The following DOCK1 variants were observed in gnomAD, a reference collection of about 807,000 sequenced individuals.
The protein encoded by DOCK1 is dedicator of cytokinesis protein 1.
DOCK1 carries 138 observed loss-of-function variants against 262.7 expected under a neutral mutation model. That is an observed-to-expected ratio of 0.53 (90% CI 0.46 to 0.61). DOCK1 has a LOEUF of 0.61. Among genes scored for constraint, DOCK1 ranks in the 20% least tolerant of loss-of-function variants. DOCK1 has a pLI of 0.00. For missense variants in DOCK1, 1,908 were observed against 2,370.7 expected (o/e 0.80, Z 4.05); for synonymous variants, 866 against 867.4 (o/e 1.00, Z 0.03).
intron 25 of DOCK1, among the ~76,000 whole-genome samples, chr10:127,123,096 G>C (rs534720625): frequency 9.5e-4 from 144 of 152,318 alleles, no homozygotes; most frequent in African/African-American, 3.3e-3. Flanking sequence ...CCTCCTTCCA[G>C]CCTGTACTGG....
Position 126,905,486 on chromosome 10 carries a change from C to A in DOCK1, c.-32C>A. ...AAATGGCGGCCTAGACGCGGAGTTT[C>A]CTGCCCGACCCGCGGCGGCTCCGGC... is the stretch of plus-strand genomic sequence containing the variant. On this transcript the variant is annotated 5_prime_UTR_variant, in exon 1 of 52. Coordinates refer to ENST00000623213, the MANE Select transcript of DOCK1 (RefSeq NM_001290223.2). The A allele has an allele frequency of 1.9e-6, 1 of 529,064 alleles. No homozygotes were observed. Among genetic ancestry groups the A allele is most frequent in the South Asian group, 2.2e-5 (1 of 45,490 alleles). 32.8% of individuals were successfully genotyped at this position (529,064 alleles called of 1,614,324 possible).
rs375436080 is a variant in DOCK1 at position 127,184,180 on chromosome 10, AC to A, written c.2847+56420del. 2.4e-3 allele frequency among the ~76,000 whole-genome samples: 358 copies of A among 152,078 alleles called. 1 individual carries two copies. Among genetic ancestry groups the A allele is most frequent in the African/African-American group, 8.1e-3 (338 of 41,480 alleles). On this transcript the variant is annotated intron_variant, in intron 27 of 51. Transcript: ENST00000623213. ...CCCAGCTGAGCTTGGAGCAAAAGACACCCCATGTTAAAGGCAGGACTGGACT... is the reference window on the plus strand; with the variant it reads ...CCCAGCTGAGCTTGGAGCAAAAGACACCCATGTTAAAGGCAGGACTGGACT...
chr10:127,007,349 A>G (rs1467119152), intron 10 of DOCK1: 1 of 152,164 alleles, frequency 6.6e-6, no homozygotes, highest in Non-Finnish European at 1.5e-5. Flanking sequence ...GGTAGAAAGG[A>G]AAATTTTCAA....
chr10:127,399,600 AC>A (rs1338355588), intron 38 of DOCK1, among the ~76,000 whole-genome samples: 1 of 151,466 alleles, frequency 6.6e-6, no homozygotes, highest in East Asian at 1.9e-4. Context: ...TCTTTTAAAA[AC>A]AATTACTTTT....
intron 29 of DOCK1, among the ~76,000 whole-genome samples, chr10:127,290,764 G>C (rs10829707): frequency 6.6e-6 from 1 of 152,122 alleles, no homozygotes; most frequent in Non-Finnish European, 1.5e-5. Context: ...GCAATAGTTT[G>C]TTCCTTTTAT....
chr10:127,092,099 T>C (rs1167015868), intron 23 of DOCK1, among the ~76,000 whole-genome samples: 1 of 152,230 alleles, frequency 6.6e-6, no homozygotes, highest in Non-Finnish European at 1.5e-5. Context: ...TGGACACCTG[T>C]GCCCAGTGGT....
At chr10:127,059,500 CT>C (rs2045393451) in intron 22 of DOCK1, among the ~76,000 whole-genome samples, 1 of 152,138 alleles carries the variant, frequency 6.6e-6, no homozygotes, top group Admixed American at 6.6e-5. Flanking sequence ...TTCCTCAGTA[CT>C]TCTGTTTAGT....
At chr10:127,137,805 A>G (rs773940409) in intron 27 of DOCK1, 1 of 1,588,960 alleles carries the variant, frequency 6.3e-7, no homozygotes, top group East Asian at 2.2e-5. Flanking sequence ...TGGGTTCTAA[A>G]GACGGCCTCG....
At chr10:127,294,707 G>A (rs1478779337) in intron 29 of DOCK1, among the ~76,000 whole-genome samples, 2 of 150,748 alleles carry the variant, frequency 1.3e-5, no homozygotes, top group Admixed American at 6.6e-5. Context: ...GGAGTGCAAC[G>A]GCGTGATCTC....
At chr10:127,150,505 C>T (rs1004240386) in intron 27 of DOCK1, among the ~76,000 whole-genome samples, 10 of 152,192 alleles carry the variant, frequency 6.6e-5, no homozygotes, top group Non-Finnish European at 1.0e-4. Context: ...TGTCCTTTCA[C>T]GACATAAGTG....
chr10:126,927,722 C>T (rs1216621763), intron 1 of DOCK1, among the ~76,000 whole-genome samples: 1 of 152,148 alleles, frequency 6.6e-6, no homozygotes, highest in Non-Finnish European at 1.5e-5. Context: ...TAGGTGTGAG[C>T]CACCGCGCCC....
At chr10:127,085,894 G>T (rs989107594) in intron 23 of DOCK1, among the ~76,000 whole-genome samples, 17 of 152,164 alleles carry the variant, frequency 1.1e-4, no homozygotes, top group African/African-American at 4.1e-4. Flanking sequence ...CAGTCCAGTT[G>T]TGGGACATTG....
At chr10:127,313,644 T>C (rs1251030826) in intron 29 of DOCK1, among the ~76,000 whole-genome samples, 1 of 152,182 alleles carries the variant, frequency 6.6e-6, no homozygotes, top group Non-Finnish European at 1.5e-5. Context: ...AAGGCCCTCG[T>C]TCCTGGTCCT....
intron 49 of DOCK1, among the ~76,000 whole-genome samples, chr10:127,441,044 A>G (rs2070089855): frequency 6.6e-6 from 1 of 152,248 alleles, no homozygotes; most frequent in South Asian, 2.1e-4. Flanking sequence ...TTTGAATATT[A>G]CTTAGTGCCA....
intron 27 of DOCK1, among the ~76,000 whole-genome samples, chr10:127,247,608 T>C (rs1459531114): frequency 6.6e-6 from 1 of 152,218 alleles, no homozygotes; most frequent in African/African-American, 2.4e-5. Context: ...TCAAGCTTAT[T>C]TTTCCAGTCT....
chr10:127,291,575 G>A (rs924716585), intron 29 of DOCK1, among the ~76,000 whole-genome samples: 4 of 152,102 alleles, frequency 2.6e-5, no homozygotes, highest in South Asian at 2.1e-4. Context: ...GCGCCCTGTC[G>A]GGTCAGTTCC....
intron 29 of DOCK1, among the ~76,000 whole-genome samples, chr10:127,320,428 G>A (rs1033442130): frequency 1.3e-5 from 2 of 152,270 alleles, no homozygotes; most frequent in East Asian, 3.9e-4. Context: ...GGGCTCCCTT[G>A]AGCGCGGCCA....
At chr10:127,126,086 C>CTTT (rs11307702) in intron 26 of DOCK1, among the ~76,000 whole-genome samples, 4 of 135,326 alleles carry the variant, frequency 3.0e-5, no homozygotes, top group African/African-American at 5.3e-5. Flanking sequence ...TACCCTATTC[C>CTTT]TTTTTTTTTT....
intron 27 of DOCK1, among the ~76,000 whole-genome samples, chr10:127,214,225 G>A (rs2058104236): frequency 1.3e-5 from 2 of 152,064 alleles, no homozygotes; most frequent in Non-Finnish European, 2.9e-5. Context: ...ATCATTCAGT[G>A]GGCCTCTCTG....
Sources: allele counts gnomAD v4.1 joint callset (sites outside exome capture counted in the v4.1 genomes callset), GRCh38; gene constraint gnomAD v4.1.1; transcripts MANE v1.5; gene names NCBI Gene and HGNC (gene_info 2026-07-23, HGNC 2026-07-21).